The following TMEM240 variants were observed in gnomAD, a reference collection of about 807,000 sequenced individuals.
TMEM240 encodes the protein transmembrane protein 240.
Under a neutral mutation model 19.5 loss-of-function variants are expected in TMEM240, and 3 were observed. The observed-to-expected ratio is 0.15, with a 90% confidence interval of 0.07 to 0.40. The LOEUF (loss-of-function observed/expected upper bound fraction) is 0.40. Ranked by LOEUF, TMEM240 falls within the 10% of genes least tolerant of loss-of-function variation. The pLI is 1.00. For synonymous variants in TMEM240, 123 were observed against 109.3 expected, an observed-to-expected ratio of 1.13 and a Z score of -0.78; for missense variants, 210 against 253.5, an observed-to-expected ratio of 0.83 and a Z score of 1.17.
chr1:1,540,262 GGC>G, intron 1 of TMEM240, 26 bp downstream of exon 1: 2 of 1,309,114 alleles, frequency 1.5e-6, no homozygotes, highest in South Asian at 2.3e-5. Flanking sequence ...GGGAGCAGGG[GGC>G]GCGCGCGGGA....
intron 2 of TMEM240, among the ~76,000 whole-genome samples, chr1:1,537,311 A>G (rs991837186): frequency 2.6e-5 from 4 of 151,820 alleles, no homozygotes; most frequent in African/African-American, 9.7e-5. Flanking sequence ...GTGGCCACCG[A>G]TCACCTGGTG....
chr1:1,538,144 C>G (rs896989887), intron 2 of TMEM240, among the ~76,000 whole-genome samples: 2 of 152,230 alleles, frequency 1.3e-5, no homozygotes, highest in East Asian at 3.8e-4. Flanking sequence ...GCACACGGCA[C>G]TGTATATTGT....
chr1:1,537,801 C>T lies in TMEM240; in HGVS notation c.164+1883G>A, dbSNP rs185641448. Among the ~76,000 whole-genome samples, 27 of 152,334 alleles carry T rather than the reference C, an allele frequency of 1.8e-4. No homozygotes were observed. The East Asian group carries it at 4.3e-3, about 24-fold the overall frequency. On this transcript the variant is annotated intron_variant, in intron 2 of 3. Transcript: ENST00000378733. ...CCCGCCCTGTGCACGGTGTGTCACG[C>T]GAGTGCATGTTCGCTTGGCTTTGCA...
At chr1:1,538,424 C>T (rs756357964) in intron 2 of TMEM240, among the ~76,000 whole-genome samples, 4 of 152,252 alleles carry the variant, frequency 2.6e-5, no homozygotes, top group African/African-American at 4.8e-5. Flanking sequence ...CTGCCTGCCC[C>T]GCGGAGCCCT....
At chr1:1,537,586 G>A (rs759979452) in intron 2 of TMEM240, among the ~76,000 whole-genome samples, 1 of 152,140 alleles carries the variant, frequency 6.6e-6, no homozygotes, top group Non-Finnish European at 1.5e-5. Context: ...AGTGAAAGCA[G>A]GAGATAGGCC....
chr1:1,535,295 A>T lies in TMEM240; in HGVS notation c.*64T>A. Reference sequence around the variant, plus strand: ...AGTCCCGCCGGCCCGGGCGTCCACGAGGTCCCTTTTACATCTGTACAGCAG... The same window carrying T: ...AGTCCCGCCGGCCCGGGCGTCCACGTGGTCCCTTTTACATCTGTACAGCAG... On this transcript the variant is annotated 3_prime_UTR_variant, in exon 4 of 4. Coordinates refer to ENST00000378733, the MANE Select transcript of TMEM240 (RefSeq NM_001114748.2). This position sits in a 1 kb window ranked among gnomAD's most constrained non-coding sequence, Gnocchi z 8.2. 6.6e-7 allele frequency: 1 copy of T among 1,510,872 alleles called. No homozygotes were observed. The highest frequency in any genetic ancestry group is 2.1e-5 in the Admixed American group (1 of 46,994). 93.6% of individuals were successfully genotyped at this position (1,510,872 alleles called of 1,614,324 possible).
chr1:1,535,355 C>G lies in TMEM240; in HGVS notation c.*4G>C. 1 of 1,548,808 alleles carries G rather than the reference C, an allele frequency of 6.5e-7. No individual in the cohort carries two copies. Among genetic ancestry groups the G allele is most frequent in the Non-Finnish European group, 8.7e-7 (1 of 1,146,048 alleles). ...TCGGTGGCCCCGGTAAGTCCCCGTGCGGCTCACAGGTGCCGCGGGCTGGGG... is the reference window on the plus strand; with the variant it reads ...TCGGTGGCCCCGGTAAGTCCCCGTGGGGCTCACAGGTGCCGCGGGCTGGGG... On this transcript the variant is annotated 3_prime_UTR_variant, in exon 4 of 4. Transcript: ENST00000378733. This position sits in a 1 kb window ranked among gnomAD's most constrained non-coding sequence, Gnocchi z 8.2.
chr1:1,539,503 C>G (rs1642268808), intron 2 of TMEM240, 181 bp downstream of exon 2: 1 of 606,388 alleles, frequency 1.6e-6, no homozygotes, highest in South Asian at 1.9e-5. Context: ...CGTCCTAAAG[C>G]CATGCGCCCC....
In TMEM240 at chr1:1,540,324, A is replaced by T; in HGVS notation, c.23T>A (p.Met8Lys). MSMSANT[M>K]IFMILGASVV... ...CGACGCCCCCAGAATCATGAAGATC[A>T]TGGTGTTCGCGCTCATGGACATCGG... Residue 8 changes from methionine (M) to lysine (K), a missense_variant, in exon 1 of 4, where the codon ATG (methionine) becomes AAG (lysine). Met to Lys is a moderately conservative substitution (Grantham distance 95, BLOSUM62 -1). Coordinates refer to ENST00000378733, the MANE Select transcript of TMEM240 (RefSeq NM_001114748.2). 1 of 1,294,176 alleles carries T rather than the reference A, an allele frequency of 7.7e-7. No individual in the cohort carries two copies. Among genetic ancestry groups the T allele is most frequent in the Non-Finnish European group, 9.9e-7 (1 of 1,009,850 alleles). 80.2% of individuals were successfully genotyped at this position (1,294,176 alleles called of 1,614,324 possible). A position where few individuals can be genotyped will look rare whatever the true frequency, so the allele number is the denominator to read the frequency against.
rs1246071117 is a variant in TMEM240 at position 1,534,820 on chromosome 1, TCACATGAGTGCCCGC to T, written c.*524_*538del. 6.4e-6 allele frequency: 1 copy of T among 155,698 alleles called. No homozygotes were observed. The highest frequency in any genetic ancestry group is 1.4e-5 in the Non-Finnish European group (1 of 70,860). The allele number at this position is 155,698 out of a possible 1,614,324, so 9.6% of individuals were successfully genotyped here. On this transcript the variant is annotated 3_prime_UTR_variant, in exon 4 of 4. Transcript: ENST00000378733. Reference sequence around the variant, plus strand: ...TTTACTGACCACAGAGGGGTGGGCTTCACATGAGTGCCCGCCACTGCGGGGCCAGGGGCCTGAATG... The same window carrying T: ...TTTACTGACCACAGAGGGGTGGGCTTCACTGCGGGGCCAGGGGCCTGAATG...
Position 1,540,454 on chromosome 1 carries a change from G to T in TMEM240, c.-108C>A. On this transcript the variant is annotated 5_prime_UTR_variant, in exon 1 of 4. Transcript: ENST00000378733. ...CCTCCGCAGAGGTCAGCGCTTCCCT[G>T]GATCGTCCGCCGCCGCTCGCTGCAA... 1 of 300,496 alleles carries T rather than the reference G, an allele frequency of 3.3e-6. No homozygotes were observed. The highest frequency in any genetic ancestry group is 2.3e-5 in the African/African-American group (1 of 43,206). The allele number at this position is 300,496 out of a possible 1,614,324, so 18.6% of individuals were successfully genotyped here.
intron 1 of TMEM240, among the ~76,000 whole-genome samples, 161 bp from the exon 2 acceptor site, chr1:1,539,951 T>A (rs1307088638): frequency 6.7e-5 from 2 of 29,842 alleles, no homozygotes; most frequent in Non-Finnish European, 1.2e-4. Flanking sequence ...GCAGCGGGTA[T>A]GGGGATCGCA....
Position 1,535,578 on chromosome 1 carries a change from G to C in TMEM240, c.373+11C>G. The C allele has an allele frequency of 6.5e-7, 1 of 1,546,360 alleles. No homozygotes were observed. Among genetic ancestry groups the C allele is most frequent in the Non-Finnish European group, 8.7e-7 (1 of 1,144,820 alleles). On this transcript the variant is annotated intron_variant, in intron 3 of 3. Transcript: ENST00000378733. The surrounding 1 kb of genome is among the most constrained non-coding windows in gnomAD (Gnocchi z 8.2). ...GGCAGCACTCCCGGGCGGCGGGCAC[G>C]AGGCACTCACCGTAGCGCCGTCCGG...
rs763113928 is a variant in TMEM240 at position 1,535,457 on chromosome 1, G to C, written c.424C>G (p.Arg142Gly). The C allele has an allele frequency of 7.7e-6, 12 of 1,549,170 alleles. No individual in the cohort carries two copies. Among genetic ancestry groups the C allele is most frequent in the Non-Finnish European group, 1.0e-5 (12 of 1,146,340 alleles). ...TCCTCGAAGGGCCTGTGCGGCCGCCGGCCCAGCTCCCGCAGGCTGCACAGC... is the reference window on the plus strand; with the variant it reads ...TCCTCGAAGGGCCTGTGCGGCCGCCCGCCCAGCTCCCGCAGGCTGCACAGC... ...PKLCSLRELG[R>G]RPHRPFEEAA... The change falls in exon 4 of 4, where the codon CGG becomes GGG. Residue 142 changes from arginine to glycine, a missense_variant. By Grantham distance (125) the Arg-to-Gly change is moderately radical. Transcript: ENST00000378733. The surrounding 1 kb of genome is among the most constrained non-coding windows in gnomAD (Gnocchi z 8.2).
In TMEM240 at chr1:1,540,582, G is replaced by C. The variant is rs1642293392; in HGVS notation, c.-236C>G. ...GGCCCGGCCCGCCGCGCTCCGCTCC[G>C]CCCTCGGGTCCTCCCTGCGATGCGC... is the stretch of plus-strand genomic sequence containing the variant. On this transcript the variant is annotated 5_prime_UTR_variant, in exon 1 of 4. Transcript: ENST00000378733. 6.3e-6 allele frequency: 1 copy of C among 159,410 alleles called. No homozygotes were observed. The highest frequency in any genetic ancestry group is 1.9e-4 in the East Asian group (1 of 5,220). 9.9% of individuals were successfully genotyped at this position (159,410 alleles called of 1,614,324 possible).
rs1312905914 is a variant in TMEM240, at chr1:1,536,475, T to C, written c.165-678A>G. On this transcript the variant is annotated intron_variant, in intron 2 of 3. Transcript: ENST00000378733. This position sits in a 1 kb window ranked among gnomAD's most constrained non-coding sequence, Gnocchi z 5.4. ...GCCTGGCACAGACCCGCCCCGCTCC[T>C]CTCAGGATGGACGGCGTCCAGGCTC... 6.6e-6 allele frequency among the ~76,000 whole-genome samples: 1 copy of C among 152,174 alleles called. No homozygotes were observed. The highest frequency in any genetic ancestry group is 1.5e-5 in the Non-Finnish European group (1 of 68,002).
chr1:1,535,616 G>A lies in TMEM240; in HGVS notation c.346C>T (p.Arg116Cys), dbSNP rs606231453. 23 of 1,549,570 alleles carry A rather than the reference G, an allele frequency of 1.5e-5. No individual in the cohort carries two copies. The highest frequency in any genetic ancestry group is 8.2e-5 in the African/African-American group (6 of 73,022). The change falls in exon 3 of 4, where the codon CGC becomes TGC. Residue 116 changes from arginine to cysteine, a missense_variant. Transcript: ENST00000378733. The surrounding 1 kb of genome is among the most constrained non-coding windows in gnomAD (Gnocchi z 8.2). The stretch of plus-strand genomic sequence containing the variant: ...TAGCGCCGTCCGGCTCTCCAGGCGC[G>A]CACGGCGCAGTGCAGGACGCCGTCC... ...WMDGVLHCAV[R>C]AWRAGRRYDG...
At chr1:1,539,636 A>C in intron 2 of TMEM240, 48 bp downstream of exon 2, 1 of 1,493,670 alleles carries the variant, frequency 6.7e-7, no homozygotes, top group Non-Finnish European at 9.1e-7. Context: ...GGGCCCCGCC[A>C]CACATGTGCG....
At chr1:1,539,858 C>T in intron 1 of TMEM240, 68 bp from the exon 2 acceptor site, 2 of 1,347,866 alleles carry the variant, frequency 1.5e-6, no homozygotes, top group Non-Finnish European at 2.0e-6. Context: ...GGGTGGGGAG[C>T]GCAGGCCGGG....
Sources: allele counts gnomAD v4.1 joint callset (sites outside exome capture counted in the v4.1 genomes callset), GRCh38; gene constraint gnomAD v4.1.1; non-coding constraint Gnocchi (gnomAD v3.1); transcripts MANE v1.5; gene names NCBI Gene and HGNC (gene_info 2026-07-23, HGNC 2026-07-21).